The following CNTNAP2 variants were observed in gnomAD, a reference collection of about 807,000 sequenced individuals.
CNTNAP2 encodes contactin associated protein 2.
Under a neutral mutation model 155.2 loss-of-function variants are expected in CNTNAP2, and 98 were observed. The observed-to-expected ratio is 0.63, with a 90% CI of 0.54 to 0.75. CNTNAP2 has a LOEUF of 0.75. Among genes scored for constraint, CNTNAP2 ranks in the 30% least tolerant of loss-of-function variants. The pLI is 0.00. For missense variants in CNTNAP2, 1,727 were observed against 1,688.1 expected, an observed-to-expected ratio of 1.02 and a Z score of -0.40; for synonymous variants, 651 against 631.2, an observed-to-expected ratio of 1.03 and a Z score of -0.47.
chr7:147,827,276 T>C (rs1472394288), intron 13 of CNTNAP2, among the ~76,000 whole-genome samples: 1 of 152,156 alleles, frequency 6.6e-6, no homozygotes, highest in African/African-American at 2.4e-5. Flanking sequence ...GAGTAAGGGC[T>C]CTGAGTCAAC....
chr7:147,932,112 C>T (rs189338376), intron 14 of CNTNAP2, among the ~76,000 whole-genome samples: 150 of 152,220 alleles, frequency 9.9e-4, no homozygotes, highest in Non-Finnish European at 9.0e-4. Flanking sequence ...TCTCAAACTC[C>T]TGGGCTCAAG....
intron 3 of CNTNAP2, among the ~76,000 whole-genome samples, chr7:147,030,125 A>G (rs1019688980): frequency 2.0e-5 from 3 of 152,226 alleles, no homozygotes; most frequent in African/African-American, 2.4e-5. Context: ...CTGAATATCT[A>G]TCTGCATCAA....
At chr7:146,678,563 C>A (rs1403271652) in intron 1 of CNTNAP2, among the ~76,000 whole-genome samples, 1 of 146,230 alleles carries the variant, frequency 6.8e-6, no homozygotes, top group African/African-American at 2.4e-5. Flanking sequence ...GGAATAATTC[C>A]ACAGTACTCA....
chr7:147,945,904 T>C (rs1165935105), intron 14 of CNTNAP2, among the ~76,000 whole-genome samples: 1 of 147,246 alleles, frequency 6.8e-6, no homozygotes, highest in Admixed American at 6.9e-5. Context: ...TCTTACTCTG[T>C]CGCCCCAGGC....
chr7:146,646,067 A>G (rs919981988), intron 1 of CNTNAP2, among the ~76,000 whole-genome samples: 1 of 152,216 alleles, frequency 6.6e-6, no homozygotes, highest in Non-Finnish European at 1.5e-5. Context: ...TTAAATTCAC[A>G]TTAATGATTT....
At chr7:148,238,174 C>A (rs1247114989) in intron 20 of CNTNAP2, among the ~76,000 whole-genome samples, 1 of 152,120 alleles carries the variant, frequency 6.6e-6, no homozygotes, top group Non-Finnish European at 1.5e-5. Context: ...CATGGTGAAA[C>A]CCCATCTCTA....
intron 11 of CNTNAP2, among the ~76,000 whole-genome samples, chr7:147,498,774 CATT>C (rs1798757548): frequency 6.6e-6 from 1 of 152,082 alleles, no homozygotes; most frequent in African/African-American, 2.4e-5. Flanking sequence ...TTTCAGTTCA[CATT>C]CAAAGTGGTA....
At chr7:147,942,138 T>G (rs1203357299) in intron 14 of CNTNAP2, among the ~76,000 whole-genome samples, 10 of 152,162 alleles carry the variant, frequency 6.6e-5, no homozygotes, top group African/African-American at 2.4e-4. Flanking sequence ...AGGGCTCACA[T>G]CAGGTCTAGA....
intron 3 of CNTNAP2, among the ~76,000 whole-genome samples, chr7:146,980,734 C>G (rs192759203): frequency 1.3e-5 from 2 of 152,230 alleles, no homozygotes; most frequent in Middle Eastern, 6.8e-3. Context: ...AAGGCAACTG[C>G]GCTAAACTAT....
At position 147,977,926 on chromosome 7, in the gene CNTNAP2, G is replaced by T. The variant is rs779885390; in HGVS notation, c.2320G>T (p.Asp774Tyr). The T allele has an allele frequency of 4.3e-6, 7 of 1,614,034 alleles. No individual in the cohort carries two copies. The highest frequency in any genetic ancestry group is 5.9e-6 in the Non-Finnish European group (7 of 1,180,036). ...GCCAGTGAGCCAAGTGGTGGTTGGA[G>T]ATACTGACCGTCAAGGCTCAGAAGC... ...HLPVSQVVVG[D>Y]TDRQGSEAKL... The change falls in exon 15 of 24, where the codon GAT becomes TAT. Residue 774 changes from aspartate (D) to tyrosine (Y), a missense_variant. By Grantham distance (160) the Asp-to-Tyr change is radical. Coordinates refer to ENST00000361727, the MANE Select transcript of CNTNAP2 (RefSeq NM_014141.6).
intron 8 of CNTNAP2, among the ~76,000 whole-genome samples, chr7:147,258,088 C>T (rs1804371556): frequency 6.6e-6 from 1 of 152,148 alleles, no homozygotes; most frequent in South Asian, 2.1e-4. Context: ...CAGAGACGTT[C>T]AAAGTAATAG....
intron 2 of CNTNAP2, among the ~76,000 whole-genome samples, chr7:146,817,976 A>T (rs1342052928): frequency 6.6e-6 from 1 of 152,196 alleles, no homozygotes; most frequent in East Asian, 1.9e-4. Context: ...AAAGTAAGTT[A>T]TTATTCTGTG....
chr7:146,512,767 C>T lies in CNTNAP2; in HGVS notation c.98-261504C>T, dbSNP rs187896181. Reference sequence around the variant, plus strand: ...ATGGGAAGAATGTGTATTATGCAGCCGTTGGATAAAATCTTCTTTAAAAGT... The same window carrying T: ...ATGGGAAGAATGTGTATTATGCAGCTGTTGGATAAAATCTTCTTTAAAAGT... On this transcript the variant is annotated intron_variant, in intron 1 of 23. Transcript: ENST00000361727. Among the ~76,000 whole-genome samples, 209 of 151,906 alleles carry T rather than the reference C, an allele frequency of 1.4e-3. 2 individuals carry two copies. The highest frequency in any genetic ancestry group is 2.4e-3 in the Non-Finnish European group (164 of 67,798).
At chr7:146,119,122 G>C (rs537925448) in intron 1 of CNTNAP2, among the ~76,000 whole-genome samples, 4 of 151,918 alleles carry the variant, frequency 2.6e-5, no homozygotes, top group Admixed American at 2.0e-4. Context: ...ATTCAAAGGA[G>C]AAAAAGATGG....
chr7:146,811,606 G>T (rs1803067783), intron 2 of CNTNAP2, among the ~76,000 whole-genome samples: 2 of 151,536 alleles, frequency 1.3e-5, no homozygotes, highest in African/African-American at 2.4e-5. Context: ...TTTTCTATAG[G>T]CTTTTCTTTA....
At chr7:148,272,271 A>G (rs1243094857) in intron 21 of CNTNAP2, among the ~76,000 whole-genome samples, 1 of 152,224 alleles carries the variant, frequency 6.6e-6, no homozygotes, top group African/African-American at 2.4e-5. Context: ...AAATCTCACT[A>G]GACATAGTTA....
intron 1 of CNTNAP2, among the ~76,000 whole-genome samples, chr7:146,185,041 T>A (rs1417648635): frequency 6.6e-6 from 1 of 152,138 alleles, no homozygotes; most frequent in East Asian, 1.9e-4. Flanking sequence ...ATGGGAGATA[T>A]TTTGAATTCA....
rs145009855 is a variant in CNTNAP2 at position 147,783,637 on chromosome 7, G to T, written c.2099-119928G>T. On this transcript the variant is annotated intron_variant, in intron 13 of 23. Coordinates refer to ENST00000361727, the MANE Select transcript of CNTNAP2 (RefSeq NM_014141.6). Reference sequence around the variant, plus strand: ...GACAAAATGTGTCATCCCAAAATTTGCATGTTAAAATCTTAACATTCAATG... The same window carrying T: ...GACAAAATGTGTCATCCCAAAATTTTCATGTTAAAATCTTAACATTCAATG... Among the ~76,000 whole-genome samples the T allele has an allele frequency of 2.8e-3, 429 of 152,274 alleles. 1 individual carries two copies. Among genetic ancestry groups the T allele is most frequent in the African/African-American group, 8.8e-3 (366 of 41,568 alleles).
At chr7:147,464,070 T>C (rs1225731779) in intron 10 of CNTNAP2, among the ~76,000 whole-genome samples, 1 of 152,128 alleles carries the variant, frequency 6.6e-6, no homozygotes, top group Non-Finnish European at 1.5e-5. Flanking sequence ...CTTGTTTGTT[T>C]ATTGGTGAAT....
Sources: gnomAD v4.1 joint callset for allele counts (sites outside exome capture counted in the v4.1 genomes callset) on GRCh38, gnomAD v4.1.1 for gene constraint, MANE v1.5 for transcripts, NCBI Gene and HGNC (gene_info 2026-07-23, HGNC 2026-07-21) for gene names.